DSCAML1: variants seen among roughly 807,000 people sequenced by gnomAD.
DSCAML1 encodes the protein cell adhesion molecule DSCAML1.
DSCAML1 carries 38 observed loss-of-function variants against 200.5 expected under a neutral mutation model. That is an observed-to-expected ratio of 0.19 (90% CI 0.15 to 0.25). DSCAML1 has a LOEUF of 0.25. Among genes scored for constraint, DSCAML1 ranks in the 10% least tolerant of loss-of-function variants. The pLI, the probability that DSCAML1 is intolerant of heterozygous loss-of-function variation, is 1.00. For synonymous variants in DSCAML1, 1,215 were observed against 1,165.0 expected (o/e 1.04, Z -0.87); for missense variants, 2,223 against 2,858.8 (o/e 0.78, Z 5.07).
At position 117,496,291 on chromosome 11, in the gene DSCAML1, A is replaced by G. The variant is rs563586379; in HGVS notation, c.2359+7554T>C. Reference sequence around the variant, plus strand: ...GCCTTTCTCTCTGTTAGTCTTTGTCACCAGGCTGGACACCCGGGGGCTGCT... The same window carrying G: ...GCCTTTCTCTCTGTTAGTCTTTGTCGCCAGGCTGGACACCCGGGGGCTGCT... On this transcript the variant is annotated intron_variant, in intron 11 of 32. Transcript: ENST00000651296. 3.1e-3 allele frequency among the ~76,000 whole-genome samples: 474 copies of G among 152,178 alleles called. 2 individuals are homozygous for G. The highest frequency in any genetic ancestry group is 0.01 in the African/African-American group (426 of 41,512).
chr11:117,471,465 C>G (rs2048684203), intron 15 of DSCAML1, among the ~76,000 whole-genome samples: 1 of 152,230 alleles, frequency 6.6e-6, no homozygotes, highest in Non-Finnish European at 1.5e-5. Flanking sequence ...AGCCACCACT[C>G]TCGGCCTCTT....
rs575893832 is a variant in DSCAML1, at chr11:117,436,656, C to T, written c.4720+466G>A. Among the ~76,000 whole-genome samples, 23 of 152,224 alleles carry T rather than the reference C, an allele frequency of 1.5e-4. No individual in the cohort carries two copies. The South Asian group carries it at 4.1e-3, about 27-fold the overall frequency. ...AAAAAGATGGTGGCCACTCAACCCT[C>T]GCAGGACTCCAAGAGAGCAAGAAAC... On this transcript the variant is annotated intron_variant, in intron 26 of 32. Coordinates refer to ENST00000651296, the MANE Select transcript of DSCAML1 (RefSeq NM_020693.4).
rs114277921 is a variant in DSCAML1 at position 117,438,613 on chromosome 11, G to C, written c.4243+272C>G. Among the ~76,000 whole-genome samples, 1,114 of 152,194 alleles carry C rather than the reference G, an allele frequency of 7.3e-3. 7 individuals carry two copies. Among genetic ancestry groups the C allele is most frequent in the African/African-American group, 0.026 (1,076 of 41,506 alleles). Reference sequence around the variant, plus strand: ...ATCTAGTAGTCCATTTGTCTACTTCGACAGATTGGGAAACCCAGACTCAGA... The same window carrying C: ...ATCTAGTAGTCCATTTGTCTACTTCCACAGATTGGGAAACCCAGACTCAGA... On this transcript the variant is annotated intron_variant, in intron 24 of 32. Coordinates refer to ENST00000651296, the MANE Select transcript of DSCAML1 (RefSeq NM_020693.4).
At chr11:117,755,970 A>G (rs2054683949) in intron 3 of DSCAML1, among the ~76,000 whole-genome samples, 2 of 152,348 alleles carry the variant, frequency 1.3e-5, no homozygotes, top group South Asian at 4.1e-4. Context: ...CTGTCGGGTA[A>G]TACCAACAGA....
chr11:117,670,173 TAAAC>T (rs2053074587), intron 3 of DSCAML1, among the ~76,000 whole-genome samples: 1 of 152,022 alleles, frequency 6.6e-6, no homozygotes, highest in South Asian at 2.1e-4. Flanking sequence ...TCAATAGGAA[TAAAC>T]AAACAAATAT....
At chr11:117,470,666 A>G (rs190801570) in intron 15 of DSCAML1, among the ~76,000 whole-genome samples, 18 of 152,356 alleles carry the variant, frequency 1.2e-4, no homozygotes, top group African/African-American at 4.3e-4. Context: ...ATGAACCGGT[A>G]CACTAGCATA....
intron 3 of DSCAML1, among the ~76,000 whole-genome samples, chr11:117,758,384 G>A (rs796668748): frequency 1.3e-5 from 2 of 151,342 alleles, no homozygotes; most frequent in African/African-American, 4.9e-5. Flanking sequence ...CATTGCAGTT[G>A]GCAGAACTGT....
intron 3 of DSCAML1, among the ~76,000 whole-genome samples, chr11:117,582,131 T>G (rs150549330): frequency 6.6e-6 from 1 of 152,128 alleles, no homozygotes; most frequent in East Asian, 1.9e-4. Flanking sequence ...AGAAAAGAAA[T>G]GTTAAGTTTC....
At chr11:117,665,358 C>T (rs1167656601) in intron 3 of DSCAML1, among the ~76,000 whole-genome samples, 2 of 152,214 alleles carry the variant, frequency 1.3e-5, no homozygotes, top group Non-Finnish European at 2.9e-5. Context: ...GAGGCTACCT[C>T]AATGGAATAA....
intron 3 of DSCAML1, among the ~76,000 whole-genome samples, chr11:117,568,410 G>A (rs376985130): frequency 3.3e-5 from 5 of 151,954 alleles, no homozygotes; most frequent in Middle Eastern, 3.2e-3. Context: ...AGGGTATTCA[G>A]TTAGGAAAAG....
At chr11:117,571,946 C>T (rs1022635764) in intron 3 of DSCAML1, among the ~76,000 whole-genome samples, 17 of 152,186 alleles carry the variant, frequency 1.1e-4, no homozygotes, top group African/African-American at 3.6e-4. Context: ...CTCCCACCAG[C>T]GCCAATACAG....
Position 117,780,296 on chromosome 11 carries a change from GAAAGAA to G in DSCAML1, c.364+191_364+196del. Among the ~76,000 whole-genome samples, 3 of 106,972 alleles carry G rather than the reference GAAAGAA, an allele frequency of 2.8e-5. No homozygotes were observed. The highest frequency in any genetic ancestry group is 6.1e-5 in the African/African-American group (2 of 32,556). The allele number at this position is 106,972 out of a possible 152,430, so 70.2% of individuals were successfully genotyped here. On this transcript the variant is annotated intron_variant, in intron 2 of 32. Transcript: ENST00000651296. The surrounding 1 kb of genome is among the most constrained non-coding windows in gnomAD (Gnocchi z 4.8). ...AGAAAGAAAGAAAGAAAGAAAGAAA[GAAAGAA>G]AGAGAGAAAGGAGAAAGAAAGGTGT...
At chr11:117,788,538 G>T (rs1023689786) in intron 1 of DSCAML1, among the ~76,000 whole-genome samples, 1 of 152,180 alleles carries the variant, frequency 6.6e-6, no homozygotes, top group East Asian at 1.9e-4. Flanking sequence ...TGTTGGCCAA[G>T]CTGGTCTCGA....
At chr11:117,537,741 TGCAGAGGCGGAA>T (rs1222385114) in intron 3 of DSCAML1, among the ~76,000 whole-genome samples, 2 of 152,198 alleles carry the variant, frequency 1.3e-5, no homozygotes, top group East Asian at 1.9e-4. Context: ...GAAAGTGCTG[TGCAGAGGCGGAA>T]GCAGAGGCAG....
At chr11:117,590,213 G>C (rs2051231637) in intron 3 of DSCAML1, among the ~76,000 whole-genome samples, 1 of 151,940 alleles carries the variant, frequency 6.6e-6, no homozygotes, top group African/African-American at 2.4e-5. Context: ...TTTTTTAAAA[G>C]AGCCTTGCTC....
Position 117,504,107 on chromosome 11 carries a change from C to G in DSCAML1, c.2183-86G>C, listed in dbSNP as rs1396621669. 11 of 1,483,928 alleles carry G rather than the reference C, an allele frequency of 7.4e-6. No individual in the cohort carries two copies. Among genetic ancestry groups the G allele is most frequent in the Non-Finnish European group, 1.0e-5 (11 of 1,088,338 alleles). The allele number at this position is 1,483,928 out of a possible 1,614,324, so 91.9% of individuals were successfully genotyped here. A position where few individuals can be genotyped will look rare whatever the true frequency, so the allele number is the denominator to read the frequency against. ...CCAGGAGTGGCCCTGACACCTCGCT[C>G]TTGCAGATCTAGGGCCATTTTGTAG... is the stretch of plus-strand genomic sequence containing the variant. On this transcript the variant is annotated intron_variant, in intron 10 of 32. Transcript: ENST00000651296. The surrounding 1 kb of genome is among the most constrained non-coding windows in gnomAD (Gnocchi z 5.0).
At chr11:117,433,514 G>A in intron 27 of DSCAML1, 43 bp from the exon 28 acceptor site, 1 of 1,602,642 alleles carries the variant, frequency 6.2e-7, no homozygotes, top group South Asian at 1.1e-5. Flanking sequence ...TGAGAATGAA[G>A]TTTGAACAGG....
intron 3 of DSCAML1, among the ~76,000 whole-genome samples, chr11:117,603,809 T>C (rs1304043012): frequency 6.6e-6 from 1 of 152,248 alleles, no homozygotes; most frequent in Non-Finnish European, 1.5e-5. Flanking sequence ...ATTTCCTGAA[T>C]GATCTTGAAG....
chr11:117,466,691 G>A (rs1003202186), intron 16 of DSCAML1, among the ~76,000 whole-genome samples: 3 of 152,076 alleles, frequency 2.0e-5, no homozygotes, highest in Admixed American at 6.5e-5. Context: ...AAAGGAGGGT[G>A]GAATAGAGCT....
Sources: allele counts gnomAD v4.1 joint callset (sites outside exome capture counted in the v4.1 genomes callset), GRCh38; gene constraint gnomAD v4.1.1; non-coding constraint Gnocchi (gnomAD v3.1); transcripts MANE v1.5; gene names NCBI Gene and HGNC (gene_info 2026-07-23, HGNC 2026-07-21).